Variants in ASH1L observed in about 807,000 individuals in gnomAD.
ASH1L encodes the protein histone-lysine N-methyltransferase ASH1L.
ASH1L carries 23 observed loss-of-function variants against 269.0 expected under a neutral mutation model. The ratio of observed to expected loss-of-function variants is 0.09; its 90% CI spans 0.06 to 0.12. The LOEUF (loss-of-function observed/expected upper bound fraction) is 0.12. ASH1L is among the 10% of genes least tolerant of loss of function. ASH1L has a pLI of 1.00. For synonymous variants in ASH1L, 1,187 were observed against 1,253.5 expected, an observed-to-expected ratio of 0.95 and a Z score of 1.12; for missense variants, 2,912 against 3,567.8, an observed-to-expected ratio of 0.82 and a Z score of 4.68.
At chr1:155,485,293 C>A (rs1666265353) in intron 2 of ASH1L, among the ~76,000 whole-genome samples, 1 of 151,026 alleles carries the variant, frequency 6.6e-6, no homozygotes, top group African/African-American at 2.4e-5. Flanking sequence ...TACCAAAGAA[C>A]CTCTACCTCT....
At chr1:155,529,548 GA>G (rs1669516539) in intron 1 of ASH1L, among the ~76,000 whole-genome samples, 1 of 151,764 alleles carries the variant, frequency 6.6e-6, no homozygotes, top group African/African-American at 2.4e-5. Flanking sequence ...TTTTCTCATA[GA>G]TTTGCTTAAG....
Position 155,562,561 on chromosome 1 carries a change from C to A in ASH1L, c.-508G>T, listed in dbSNP as rs1225011976. ...CTCCTTGCGTTCTTTCCCACCGTCC[C>A]CCGCTCCGCCCGACTCCGTCCGCGT... On this transcript the variant is annotated 5_prime_UTR_variant, in exon 1 of 28. Transcript: ENST00000392403. 3.0e-5 allele frequency: 46 copies of A among 1,529,268 alleles called. No individual in the cohort carries two copies. The highest frequency in any genetic ancestry group is 3.7e-5 in the Non-Finnish European group (42 of 1,140,662). The allele number at this position is 1,529,268 out of a possible 1,614,324, so 94.7% of individuals were successfully genotyped here. A position where few individuals can be genotyped will look rare whatever the true frequency, so the allele number is the denominator to read the frequency against.
chr1:155,381,762 C>G (rs982972484), intron 7 of ASH1L, among the ~76,000 whole-genome samples: 1 of 151,140 alleles, frequency 6.6e-6, no homozygotes, highest in Admixed American at 6.6e-5. Flanking sequence ...GTAATCCCAG[C>G]TACTTGGGAG....
chr1:155,359,344 C>T (rs1012774305), intron 13 of ASH1L, among the ~76,000 whole-genome samples: 1 of 151,958 alleles, frequency 6.6e-6, no homozygotes, highest in African/African-American at 2.4e-5. Flanking sequence ...AGTGCATTGG[C>T]GCGATCTCTG....
Position 155,373,275 on chromosome 1 carries a change from T to A in ASH1L, c.6333-2292A>T, listed in dbSNP as rs1299161101. On this transcript the variant is annotated intron_variant, in intron 10 of 27. Coordinates refer to ENST00000392403, the MANE Select transcript of ASH1L (RefSeq NM_018489.3). ...TAGAAGACAAAAGAAGTCACACACA[T>A]CTTGTCACTGCTTTCTTTACTTTTT... 4.6e-5 allele frequency among the ~76,000 whole-genome samples: 7 copies of A among 150,692 alleles called. No individual in the cohort carries two copies. The South Asian group carries it at 6.3e-4, about 14-fold the overall frequency.
intron 6 of ASH1L, among the ~76,000 whole-genome samples, chr1:155,413,023 T>C (rs1410655688): frequency 6.6e-6 from 1 of 152,258 alleles, no homozygotes; most frequent in Non-Finnish European, 1.5e-5. Context: ...AGGTTCTCCC[T>C]AAGCAAGAAA....
At chr1:155,414,470 C>T (rs1417761943) in intron 6 of ASH1L, among the ~76,000 whole-genome samples, 3 of 152,178 alleles carry the variant, frequency 2.0e-5, no homozygotes, top group Middle Eastern at 3.4e-3. Context: ...CCACCACACT[C>T]GGCTAATTTT....
At position 155,479,765 on chromosome 1, in the gene ASH1L, T is replaced by G. The variant is rs1288512923; in HGVS notation, c.3105A>C (p.Gln1035His). ...LAATFGSKLG[Q>H]QINVSKKGTI... ...TTCCTTTCTTGCTGACATTTATCTG[T>G]TGGCCCAATTTAGAGCCAAATGTGG... The change falls in exon 3 of 28, where the codon CAA becomes CAC. Residue 1035 changes from glutamine (Q) to histidine (H), a missense_variant. Physicochemically the swap from Gln to His is conservative, Grantham distance 24. Coordinates refer to ENST00000392403, the MANE Select transcript of ASH1L (RefSeq NM_018489.3). The G allele has an allele frequency of 6.2e-7, 1 of 1,614,046 alleles. No homozygotes were observed. Among genetic ancestry groups the G allele is most frequent in the African/African-American group, 1.3e-5 (1 of 74,914 alleles).
At chr1:155,422,649 T>G (rs1558087252) in intron 5 of ASH1L, among the ~76,000 whole-genome samples, 1 of 150,370 alleles carries the variant, frequency 6.7e-6, no homozygotes. Context: ...TTCTTTTTCT[T>G]TCTGTTTTTT....
rs1383186886 is a variant in ASH1L at position 155,499,622 on chromosome 1, T to C, written c.421-17173A>G. 2.0e-5 allele frequency among the ~76,000 whole-genome samples: 3 copies of C among 152,222 alleles called. No individual in the cohort carries two copies. In the East Asian group the frequency reaches 5.8e-4, roughly 29 times the overall value. On this transcript the variant is annotated intron_variant, in intron 2 of 27. Coordinates refer to ENST00000392403, the MANE Select transcript of ASH1L (RefSeq NM_018489.3). The stretch of plus-strand genomic sequence containing the variant: ...TGTCTCTCAAAAAGCTTTCATTCAT[T>C]TCCATACAGCTGTAGCTCAGAATTA...
In ASH1L at chr1:155,342,021, A is replaced by C; in HGVS notation, c.8375T>G (p.Ile2792Ser). 6.2e-7 allele frequency: 1 copy of C among 1,614,066 alleles called. No individual in the cohort carries two copies. The highest frequency in any genetic ancestry group is 8.5e-7 in the Non-Finnish European group (1 of 1,180,020). ...GCAGACAGGATAGCGGTTCCGGTGG[A>C]TCTTGTAAAACAGGTGTGCTGACTT... ...LDKSAHLFYK[I>S]HRNRYPVCTK... is the part of the protein sequence containing the mutation. The change falls in exon 25 of 28, where the codon ATC becomes AGC. Residue 2792 changes from isoleucine to serine, a missense_variant. Physicochemically the swap from Ile to Ser is moderately radical, Grantham distance 142. Transcript: ENST00000392403.
At chr1:155,474,853 T>G (rs1016034352) in intron 3 of ASH1L, among the ~76,000 whole-genome samples, 2 of 152,228 alleles carry the variant, frequency 1.3e-5, no homozygotes, top group Non-Finnish European at 2.9e-5. Flanking sequence ...TCTAGACTAC[T>G]GCAATTGCCT....
chr1:155,563,175 C>G (rs763284060), upstream of ASH1L: 134 of 456,900 alleles, frequency 2.9e-4, no homozygotes, highest in Non-Finnish European at 4.2e-4. Context: ...CGCCCCTCTG[C>G]CCACCGGTGG....
chr1:155,524,355 TA>T (rs1018370420), intron 1 of ASH1L, among the ~76,000 whole-genome samples: 1 of 149,712 alleles, frequency 6.7e-6, no homozygotes, highest in African/African-American at 2.5e-5. Flanking sequence ...CCCCATCTTT[TA>T]AAAAAAAATA....
At chr1:155,396,713 C>T (rs573963003) in intron 6 of ASH1L, among the ~76,000 whole-genome samples, 1 of 151,654 alleles carries the variant, frequency 6.6e-6, no homozygotes, top group South Asian at 2.1e-4. Context: ...CTTGTAATCC[C>T]AGCACTTTGG....
At position 155,478,103 on chromosome 1, in the gene ASH1L, T is replaced by A. The variant is rs1665694846; in HGVS notation, c.4767A>T (p.Gly1589=). 1 of 1,614,124 alleles carries A rather than the reference T, an allele frequency of 6.2e-7. No individual in the cohort carries two copies. Among genetic ancestry groups the A allele is most frequent in the Non-Finnish European group, 8.5e-7 (1 of 1,180,038 alleles). ...CTGGCTCAGAGTTGGGAGTGAATCC[T>A]CCAAGGGATAAGCTTGGAGAACTTT... The part of the protein sequence containing the change: ...CSESSPSLSL[G]GFTPNSEPAS... The change falls in exon 3 of 28, where the codon GGA becomes GGT. Residue 1589 remains glycine, a synonymous_variant. Coordinates refer to ENST00000392403, the MANE Select transcript of ASH1L (RefSeq NM_018489.3). This position sits in a 1 kb window ranked among gnomAD's most constrained non-coding sequence, Gnocchi z 4.6.
At chr1:155,340,597 A>AT (rs1408897994) in intron 25 of ASH1L, among the ~76,000 whole-genome samples, 1 of 152,162 alleles carries the variant, frequency 6.6e-6, no homozygotes, top group Non-Finnish European at 1.5e-5. Flanking sequence ...AAACAGATGA[A>AT]TGGATGATCA....
chr1:155,476,311 G>A (rs1292173315), intron 3 of ASH1L, among the ~76,000 whole-genome samples: 13 of 151,722 alleles, frequency 8.6e-5, no homozygotes, highest in African/African-American at 2.2e-4. Flanking sequence ...GCTTGAACCC[G>A]GGAGGCGGAG....
chr1:155,426,460 CA>C (rs1303414686), intron 5 of ASH1L, among the ~76,000 whole-genome samples: 3 of 152,160 alleles, frequency 2.0e-5, no homozygotes, highest in African/African-American at 7.2e-5. Flanking sequence ...CTCGGCCTCC[CA>C]AAGTGCTGGG....
Sources: allele counts gnomAD v4.1 joint callset (sites outside exome capture counted in the v4.1 genomes callset), GRCh38; gene constraint gnomAD v4.1.1; non-coding constraint Gnocchi (gnomAD v3.1); transcripts MANE v1.5; gene names NCBI Gene and HGNC (gene_info 2026-07-23, HGNC 2026-07-21).